The following KLRF1 variants were observed in gnomAD, a reference collection of about 807,000 sequenced individuals.
KLRF1 encodes the protein killer cell lectin like receptor F1.
Under a neutral mutation model 30.7 loss-of-function variants are expected in KLRF1, and 27 were observed. That is an observed-to-expected ratio of 0.88 (90% CI 0.65 to 1.21). The LOEUF is 1.21. KLRF1 is among the 50% of genes most tolerant of loss of function. KLRF1 has a pLI of 0.00. For missense variants in KLRF1, 246 were observed against 259.3 expected, an observed-to-expected ratio of 0.95 and a Z score of 0.35; for synonymous variants, 92 against 89.3, an observed-to-expected ratio of 1.03 and a Z score of -0.17.
chr12:9,833,316 A>G lies in KLRF1; in HGVS notation c.198A>G (p.Val66=), dbSNP rs778071306. The change falls in exon 3 of 6, where the codon GTA becomes GTG. Residue 66 remains valine (V), a synonymous_variant. Coordinates refer to ENST00000617889, the MANE Select transcript of KLRF1 (RefSeq NM_016523.3). ...ISLILLVSQG[V]LLKCQKGSCS... ...CCTGTATTCAAGTTTCTCAGGGAGTATTGCTAAAATGCCAAAAAGGAAGTT... is the reference window on the plus strand; with the variant it reads ...CCTGTATTCAAGTTTCTCAGGGAGTGTTGCTAAAATGCCAAAAAGGAAGTT... The G allele has an allele frequency of 6.2e-7, 1 of 1,601,992 alleles. No individual in the cohort carries two copies. Among genetic ancestry groups the G allele is most frequent in the East Asian group, 2.3e-5 (1 of 44,098 alleles).
the KLRF1 span, among the ~76,000 whole-genome samples, chr12:9,813,407 T>G: frequency 8.5e-5 from 13 of 152,184 alleles, no homozygotes; most frequent in East Asian, 1.4e-3. Flanking sequence ...TCTGTGCATG[T>G]GATCCTCCCA....
At chr12:9,832,472 T>C (rs1376750303) in intron 2 of KLRF1, 58 bp downstream of exon 2, 2 of 960,354 alleles carry the variant, frequency 2.1e-6, no homozygotes, top group Non-Finnish European at 3.2e-6. Context: ...TTGTCTCTTA[T>C]AAATCTTTTT....
rs1432582574 is a variant in KLRF1, at chr12:9,832,328, C to T, written c.98C>T (p.Thr33Met). ...ATTAATGTCTCAGATTATTCAGTGA[C>T]GTTGCACTGGTATAAAATCTTACTG... Reference protein sequence around the residue: ...SQLTFKDYSVTLHWYKILLGI... With the variant: ...SQLTFKDYSVMLHWYKILLGI... Residue 33 changes from threonine (T) to methionine (M), a missense_variant, in exon 2 of 6, where the codon ACG becomes ATG. Physicochemically the swap from Thr to Met is moderately conservative, Grantham distance 81. Transcript: ENST00000617889. 6.3e-6 allele frequency: 10 copies of T among 1,590,986 alleles called. No homozygotes were observed. Among genetic ancestry groups the T allele is most frequent in the Middle Eastern group, 1.7e-4 (1 of 6,034 alleles).
chr12:9,842,071 C>G, intron 4 of KLRF1, 120 bp downstream of exon 4: 1 of 1,185,972 alleles, frequency 8.4e-7, no homozygotes, highest in Non-Finnish European at 1.2e-6. Flanking sequence ...TGGGCACCCT[C>G]TTAAATTTTG....
chr12:9,800,735 A>G, the KLRF1 span, among the ~76,000 whole-genome samples: 32 of 151,898 alleles, frequency 2.1e-4, 1 homozygote, highest in Non-Finnish European at 2.9e-5. Flanking sequence ...GTTGAGCTTT[A>G]AGAGTTATTT....
At chr12:9,837,271 A>C (rs1867597931) in intron 3 of KLRF1, among the ~76,000 whole-genome samples, 1 of 151,962 alleles carries the variant, frequency 6.6e-6, no homozygotes, top group Non-Finnish European at 1.5e-5. Context: ...TCCACATTTT[A>C]TTCCTTTTTA....
the KLRF1 span, among the ~76,000 whole-genome samples, chr12:9,810,498 G>T: frequency 8.9e-4 from 136 of 152,240 alleles, no homozygotes; most frequent in African/African-American, 3.2e-3. Context: ...TTTAAAAGAT[G>T]TTTGAAGTCT....
At chr12:9,840,527 A>C (rs1248964487) in intron 3 of KLRF1, among the ~76,000 whole-genome samples, 2 of 152,122 alleles carry the variant, frequency 1.3e-5, no homozygotes, top group African/African-American at 4.8e-5. Context: ...ATATTAAGCT[A>C]GGAAAATCAA....
At chr12:9,812,216 T>G in the KLRF1 span, among the ~76,000 whole-genome samples, 1 of 151,866 alleles carries the variant, frequency 6.6e-6, no homozygotes, top group Non-Finnish European at 1.5e-5. Context: ...ATACATAAAA[T>G]TAGCCAGACG....
chr12:9,824,934 G>A (rs61070295), upstream of KLRF1, among the ~76,000 whole-genome samples: 3,838 of 152,048 alleles, frequency 0.025, 151 homozygotes, highest in African/African-American at 0.087. Flanking sequence ...AGCTCTACAA[G>A]GATAATTACA....
chr12:9,815,835 T>C, the KLRF1 span, among the ~76,000 whole-genome samples: 1 of 152,222 alleles, frequency 6.6e-6, no homozygotes, highest in African/African-American at 2.4e-5. Flanking sequence ...CTTCTTCTTT[T>C]GAGATGGAGT....
At chr12:9,804,232 T>A in the KLRF1 span, among the ~76,000 whole-genome samples, 1 of 152,070 alleles carries the variant, frequency 6.6e-6, no homozygotes, top group African/African-American at 2.4e-5. Flanking sequence ...GTCTTTTATG[T>A]CTTCTTGGGA....
At chr12:9,801,048 C>T in the KLRF1 span, among the ~76,000 whole-genome samples, 1 of 151,976 alleles carries the variant, frequency 6.6e-6, no homozygotes, top group Non-Finnish European at 1.5e-5. Flanking sequence ...CTCCCTGTGT[C>T]CATGTGTTCT....
intron 3 of KLRF1, among the ~76,000 whole-genome samples, chr12:9,838,391 A>C (rs1026748654): frequency 6.6e-6 from 1 of 152,066 alleles, no homozygotes; most frequent in African/African-American, 2.4e-5. Flanking sequence ...TAAAGAGGCA[A>C]TTCCCTGCTC....
chr12:9,828,783 TCTTTA>T (rs745430396), intron 1 of KLRF1, among the ~76,000 whole-genome samples: 20 of 152,324 alleles, frequency 1.3e-4, no homozygotes, highest in African/African-American at 4.6e-4. Flanking sequence ...TATTTTCAAG[TCTTTA>T]CTTCCTACAC....
chr12:9,810,629 G>C, the KLRF1 span, among the ~76,000 whole-genome samples: 1 of 152,036 alleles, frequency 6.6e-6, no homozygotes, highest in Non-Finnish European at 1.5e-5. Context: ...TTTATCTGAG[G>C]GCACAAATGT....
chr12:9,817,390 C>G, the KLRF1 span: 1 of 364,784 alleles, frequency 2.7e-6, no homozygotes, highest in Non-Finnish European at 5.4e-6. Context: ...TCTTTTTATT[C>G]TAGCTGATCT....
chr12:9,819,867 C>G, the KLRF1 span, among the ~76,000 whole-genome samples: 1 of 152,236 alleles, frequency 6.6e-6, no homozygotes, highest in African/African-American at 2.4e-5. Flanking sequence ...CCAAGATTTA[C>G]AACCACCGGG....
chr12:9,814,704 G>C, the KLRF1 span, among the ~76,000 whole-genome samples: 48,705 of 152,090 alleles, frequency 0.32, 9,333 homozygotes, highest in Non-Finnish European at 0.42. Context: ...CAGTGGCCTG[G>C]GGACCGCCTT....
Sources: gnomAD v4.1 joint callset for allele counts (sites outside exome capture counted in the v4.1 genomes callset) on GRCh38, gnomAD v4.1.1 for gene constraint, MANE v1.5 for transcripts, NCBI Gene and HGNC (gene_info 2026-07-23, HGNC 2026-07-21) for gene names.